The following MGAT4A variants were observed in gnomAD, a reference collection of about 807,000 sequenced individuals.
MGAT4A encodes alpha-1,3-mannosyl-glycoprotein 4-beta-N-acetylglucosaminyltransferase A.
In MGAT4A, 33 loss-of-function variants were observed where a neutral mutation model predicts 74.1. The observed-to-expected ratio is 0.45, with a 90% CI of 0.34 to 0.60. MGAT4A has a LOEUF of 0.60. Ranked by LOEUF, MGAT4A falls within the 20% of genes least tolerant of loss-of-function variation. The pLI, the probability that MGAT4A is intolerant of heterozygous loss-of-function variation, is 0.02. For missense variants in MGAT4A, 479 were observed against 628.3 expected (o/e 0.76, Z 2.54); for synonymous variants, 198 against 210.4 (o/e 0.94, Z 0.51).
chr2:98,645,592 T>C (rs1701472838), intron 8 of MGAT4A, 50 bp from the exon 9 acceptor site: 1 of 1,294,600 alleles, frequency 7.7e-7, no homozygotes, highest in Non-Finnish European at 1.0e-6. Context: ...AGAAAGGTAT[T>C]GAGAGAAGGA....
chr2:98,670,061 G>T (rs754765870), intron 4 of MGAT4A, among the ~76,000 whole-genome samples: 1 of 152,184 alleles, frequency 6.6e-6, no homozygotes, highest in Non-Finnish European at 1.5e-5. Context: ...ACATAACCCA[G>T]CCTGTCCTAT....
At chr2:98,640,259 G>T in intron 10 of MGAT4A, 31 bp from the exon 11 acceptor site, 2 of 1,530,534 alleles carry the variant, frequency 1.3e-6, no homozygotes, top group South Asian at 2.4e-5. Flanking sequence ...CGTTAGTGTT[G>T]CATCATAAAG....
chr2:98,672,116 G>A (rs1252459406), intron 4 of MGAT4A, among the ~76,000 whole-genome samples: 1 of 152,030 alleles, frequency 6.6e-6, no homozygotes, highest in Non-Finnish European at 1.5e-5. Context: ...AACAGCAATA[G>A]AACACCAACA....
Position 98,724,915 on chromosome 2 carries a change from C to A in MGAT4A, c.94+1324G>T, listed in dbSNP as rs74341095. Among the ~76,000 whole-genome samples, 246 of 152,280 alleles carry A rather than the reference C, an allele frequency of 1.6e-3. 1 individual carries two copies. In the South Asian group the frequency reaches 0.021, roughly 13 times the overall value. On this transcript the variant is annotated intron_variant, in intron 2 of 15. Transcript: ENST00000393487. The stretch of plus-strand genomic sequence containing the variant: ...TCAATAGTTTGATTAACTATTCAAA[C>A]TACTTCTTGATTGGCCGGGCATGAT...
At chr2:98,715,300 A>T (rs1236373727) in intron 2 of MGAT4A, among the ~76,000 whole-genome samples, 1 of 145,798 alleles carries the variant, frequency 6.9e-6, no homozygotes, top group Non-Finnish European at 1.5e-5. Context: ...CCTGGGTGAC[A>T]GAGCTAGACT....
In MGAT4A at chr2:98,664,870, A is replaced by G. The variant is rs145687822; in HGVS notation, c.404-1691T>C. Among the ~76,000 whole-genome samples the G allele has an allele frequency of 3.3e-5, 5 of 152,316 alleles. No individual in the cohort carries two copies. In the East Asian group the frequency reaches 9.6e-4, roughly 29 times the overall value. ...CACAGTGATTTTTAGGAACACTTAT[A>G]CTGCATTATAGAGGTATTTCAAAGT... On this transcript the variant is annotated intron_variant, in intron 4 of 15. Transcript: ENST00000393487.
intron 4 of MGAT4A, among the ~76,000 whole-genome samples, chr2:98,673,138 A>T (rs760524252): frequency 5.0e-4 from 76 of 152,056 alleles, no homozygotes; most frequent in Non-Finnish European, 1.1e-3. Flanking sequence ...TGTTCTGGGC[A>T]TTGAGAATCC....
intron 2 of MGAT4A, among the ~76,000 whole-genome samples, chr2:98,703,099 G>A (rs78536882): frequency 0.025 from 3,876 of 152,216 alleles, 78 homozygotes; most frequent in Non-Finnish European, 0.036. Flanking sequence ...TGAAGACTTC[G>A]AAACAGTTAC....
chr2:98,693,126 T>C (rs1276633549), intron 2 of MGAT4A, among the ~76,000 whole-genome samples: 1 of 151,956 alleles, frequency 6.6e-6, no homozygotes, highest in Non-Finnish European at 1.5e-5. Context: ...TCAGAAACCA[T>C]GGAGATCAGA....
chr2:98,727,764 T>G (rs1008957391), intron 1 of MGAT4A, among the ~76,000 whole-genome samples: 2 of 152,196 alleles, frequency 1.3e-5, no homozygotes, highest in Non-Finnish European at 2.9e-5. Flanking sequence ...CTACTAGAAA[T>G]TCCCCCTAGT....
intron 3 of MGAT4A, 55 bp downstream of exon 3, chr2:98,678,249 A>AAAAAAAAAGAT (rs67023324): frequency 3.9e-6 from 1 of 254,360 alleles, no homozygotes; most frequent in African/African-American, 2.9e-5. Context: ...AAAAAAAAAA[A>AAAAAAAAAGAT]ATATATATAT....
At position 98,623,484 on chromosome 2, in the gene MGAT4A, T is replaced by C. The variant is rs938026097; in HGVS notation, c.*2082A>G. ...CTCAGTTATCTTTGCAGTAATTTAG[T>C]ATACCAAGCTGGTGCCAAAATTTTA... On this transcript the variant is annotated 3_prime_UTR_variant, in exon 16 of 16. Transcript: ENST00000393487. The C allele has an allele frequency of 2.1e-5, 21 of 985,322 alleles. No individual in the cohort carries two copies. In the African/African-American group the frequency reaches 2.6e-4, roughly 12 times the overall value. The allele number at this position is 985,322 out of a possible 1,614,324, so 61.0% of individuals were successfully genotyped here.
rs1286446306 is a variant in MGAT4A, at chr2:98,686,633, G to GCCT, written c.95-8165_95-8163dup. 6.6e-5 allele frequency among the ~76,000 whole-genome samples: 10 copies of GCCT among 151,290 alleles called. No homozygotes were observed. In the East Asian group the frequency reaches 1.4e-3, roughly 21 times the overall value. On this transcript the variant is annotated intron_variant, in intron 2 of 15. Coordinates refer to ENST00000393487, the MANE Select transcript of MGAT4A (RefSeq NM_012214.3). ...ATGATCTCAGCCCACTGCAATCTCC[G>GCCT]CCTCCTGGGTTTAAGCAATTCTCCT...
intron 2 of MGAT4A, among the ~76,000 whole-genome samples, chr2:98,711,053 GAGA>G (rs1702511147): frequency 6.6e-6 from 1 of 151,954 alleles, no homozygotes; most frequent in African/African-American, 2.4e-5. Flanking sequence ...CCTCTTGTCT[GAGA>G]AGAAGAAAAA....
Position 98,719,158 on chromosome 2 carries a change from AG to A in MGAT4A, c.94+7080del, listed in dbSNP as rs201550371. 2.1e-3 allele frequency among the ~76,000 whole-genome samples: 317 copies of A among 152,334 alleles called. 2 individuals are homozygous for A. The highest frequency in any genetic ancestry group is 7.4e-3 in the African/African-American group (307 of 41,574). ...GAGAGAACCTGCAAAAGAGGTGGAA[AG>A]GAGTCCTCCTGGGGTCAGAAAAATA... On this transcript the variant is annotated intron_variant, in intron 2 of 15. Transcript: ENST00000393487.
chr2:98,699,051 C>G (rs1385478665), intron 2 of MGAT4A, among the ~76,000 whole-genome samples: 2 of 152,186 alleles, frequency 1.3e-5, no homozygotes, highest in African/African-American at 4.8e-5. Context: ...TCACAGGACT[C>G]ACCATTGAGT....
At chr2:98,627,527 C>T (rs1701163650) in intron 14 of MGAT4A, among the ~76,000 whole-genome samples, 1 of 152,112 alleles carries the variant, frequency 6.6e-6, no homozygotes, top group African/African-American at 2.4e-5. Flanking sequence ...AGGCATGTGC[C>T]ACCACACCTG....
chr2:98,675,256 A>G (rs1459797781), intron 3 of MGAT4A, 81 bp from the exon 4 acceptor site: 4 of 1,024,518 alleles, frequency 3.9e-6, no homozygotes, highest in African/African-American at 1.6e-5. Flanking sequence ...GTAAAAATTA[A>G]TAAGAACTAG....
chr2:98,715,155 A>C (rs1377001796), intron 2 of MGAT4A, among the ~76,000 whole-genome samples: 1 of 151,966 alleles, frequency 6.6e-6, no homozygotes, highest in African/African-American at 2.4e-5. Context: ...TCTCTACTAA[A>C]AATACAAAAA....
Sources: gnomAD v4.1 joint callset for allele counts (sites outside exome capture counted in the v4.1 genomes callset) on GRCh38, gnomAD v4.1.1 for gene constraint, MANE v1.5 for transcripts, NCBI Gene and HGNC (gene_info 2026-07-23, HGNC 2026-07-21) for gene names.